ME3: variants seen among roughly 807,000 people sequenced by gnomAD.
ME3 encodes malic enzyme 3, also known as NADP-dependent malic enzyme, mitochondrial.
In ME3, 48 loss-of-function variants were observed where a neutral mutation model predicts 68.9. The ratio of observed to expected loss-of-function variants is 0.70; its 90% CI spans 0.55 to 0.89. ME3 has a LOEUF of 0.89. Among genes scored for constraint, ME3 ranks in the 40% least tolerant of loss-of-function variants. ME3 has a pLI of 0.00. For missense variants in ME3, 675 were observed against 797.4 expected, an observed-to-expected ratio of 0.85 and a Z score of 1.85; for synonymous variants, 320 against 318.8, an observed-to-expected ratio of 1.00 and a Z score of -0.04.
chr11:86,567,748 A>G (rs1957564850), intron 2 of ME3, among the ~76,000 whole-genome samples: 1 of 152,210 alleles, frequency 6.6e-6, no homozygotes, highest in African/African-American at 2.4e-5. Flanking sequence ...TATTAAGGCA[A>G]CCTCAGATTT....
At chr11:86,490,891 C>T (rs1951964865) in intron 6 of ME3, among the ~76,000 whole-genome samples, 2 of 151,994 alleles carry the variant, frequency 1.3e-5, no homozygotes. Flanking sequence ...GTTAAGTTCC[C>T]CAGTGGCACT....
rs115584812 is a variant in ME3 at position 86,471,934 on chromosome 11, G to A, written c.810-6734C>T. Among the ~76,000 whole-genome samples the A allele has an allele frequency of 6.1e-3, 928 of 152,330 alleles. 8 individuals are homozygous for A. The highest frequency in any genetic ancestry group is 0.021 in the African/African-American group (890 of 41,572). ...AATAAAAAAACAGTTGCAATACTCT[G>A]TGGCATCAGTAATAATAAAGATATG... On this transcript the variant is annotated intron_variant, in intron 7 of 14. Transcript: ENST00000543262.
chr11:86,465,424 G>A (rs1276138885), intron 7 of ME3, among the ~76,000 whole-genome samples: 3 of 152,136 alleles, frequency 2.0e-5, no homozygotes, highest in Admixed American at 2.0e-4. Context: ...TAGGACCCTG[G>A]CTTTGGTGGT....
intron 2 of ME3, among the ~76,000 whole-genome samples, chr11:86,569,577 T>C (rs1957677386): frequency 6.6e-6 from 1 of 151,598 alleles, no homozygotes; most frequent in South Asian, 2.1e-4. Flanking sequence ...GGTGGGGAGG[T>C]AGAGAGTTTG....
chr11:86,475,902 A>AGAGAGAGAG (rs1565830505), intron 7 of ME3, among the ~76,000 whole-genome samples: 24 of 93,336 alleles, frequency 2.6e-4, no homozygotes, highest in Middle Eastern at 5.6e-3. Flanking sequence ...GAGAGAGAGA[A>AGAGAGAGAG]AGAGAAAGAG....
intron 2 of ME3, among the ~76,000 whole-genome samples, chr11:86,643,129 C>A (rs557450757): frequency 6.6e-6 from 1 of 152,174 alleles, no homozygotes; most frequent in African/African-American, 2.4e-5. Flanking sequence ...ATTCGTCATA[C>A]AAGGTCCTCA....
At chr11:86,465,606 C>G (rs1950439517) in intron 7 of ME3, among the ~76,000 whole-genome samples, 1 of 152,130 alleles carries the variant, frequency 6.6e-6, no homozygotes, top group African/African-American at 2.4e-5. Flanking sequence ...GCAGACAGAC[C>G]AGCTTCCCCA....
intron 2 of ME3, among the ~76,000 whole-genome samples, chr11:86,618,052 G>T (rs78267949): frequency 6.6e-6 from 1 of 151,964 alleles, no homozygotes; most frequent in African/African-American, 2.4e-5. Flanking sequence ...TCATGCCATC[G>T]CTCTGGGAGG....
intron 2 of ME3, among the ~76,000 whole-genome samples, chr11:86,565,480 G>A (rs1448386258): frequency 6.6e-6 from 1 of 152,128 alleles, no homozygotes; most frequent in Non-Finnish European, 1.5e-5. Flanking sequence ...AATAACCCAG[G>A]TGTTCATCAA....
chr11:86,471,730 A>G (rs1403433587), intron 7 of ME3, among the ~76,000 whole-genome samples: 1 of 152,216 alleles, frequency 6.6e-6, no homozygotes, highest in African/African-American at 2.4e-5. Context: ...TCAAGAGGCT[A>G]AGGTGGGAAG....
chr11:86,543,524 C>G (rs1287491598), intron 4 of ME3, among the ~76,000 whole-genome samples: 1 of 152,136 alleles, frequency 6.6e-6, no homozygotes, highest in Admixed American at 6.5e-5. Context: ...ATAAAACAGA[C>G]TTTAAACCTA....
chr11:86,557,517 T>C (rs1211769252), intron 3 of ME3, among the ~76,000 whole-genome samples: 1 of 152,202 alleles, frequency 6.6e-6, no homozygotes, highest in Non-Finnish European at 1.5e-5. Context: ...TGTGGTCTGG[T>C]GAAATGATCT....
At chr11:86,625,929 G>T (rs1943636315) in intron 2 of ME3, among the ~76,000 whole-genome samples, 1 of 152,102 alleles carries the variant, frequency 6.6e-6, no homozygotes, top group African/African-American at 2.4e-5. Flanking sequence ...ACCTCCACAG[G>T]GTTTTTGTGG....
At chr11:86,645,346 A>G (rs1944931254) in intron 2 of ME3, among the ~76,000 whole-genome samples, 2 of 152,204 alleles carry the variant, frequency 1.3e-5, no homozygotes, top group Admixed American at 6.5e-5. Flanking sequence ...AGCAGTCTGA[A>G]GTCAACCTGG....
chr11:86,591,385 G>A (rs1959049413), intron 2 of ME3, among the ~76,000 whole-genome samples: 1 of 152,164 alleles, frequency 6.6e-6, no homozygotes, highest in African/African-American at 2.4e-5. Flanking sequence ...AAAAGGCAGT[G>A]GCATTAAAAT....
intron 2 of ME3, among the ~76,000 whole-genome samples, chr11:86,603,513 C>T (rs1216055139): frequency 1.3e-5 from 2 of 152,176 alleles, no homozygotes; most frequent in African/African-American, 2.4e-5. Flanking sequence ...TAAACTAGTT[C>T]AACCCCTGTG....
chr11:86,576,019 T>C (rs1958085972), intron 2 of ME3, among the ~76,000 whole-genome samples: 1 of 152,222 alleles, frequency 6.6e-6, no homozygotes, highest in Non-Finnish European at 1.5e-5. Context: ...CATTCAACTC[T>C]TGAACAGAAG....
intron 2 of ME3, among the ~76,000 whole-genome samples, chr11:86,586,784 G>C (rs1808436416): frequency 6.6e-6 from 1 of 152,138 alleles, no homozygotes; most frequent in South Asian, 2.1e-4. Context: ...ATACCTAGCT[G>C]TGTCCTGACT....
chr11:86,521,319 C>G (rs1000111015), intron 4 of ME3, among the ~76,000 whole-genome samples: 1 of 151,806 alleles, frequency 6.6e-6, no homozygotes, highest in African/African-American at 2.4e-5. Flanking sequence ...GGCGTGAACC[C>G]AGGAGGCGGA....
Sources: allele counts gnomAD v4.1 joint callset (sites outside exome capture counted in the v4.1 genomes callset), GRCh38; gene constraint gnomAD v4.1.1; transcripts MANE v1.5; gene names NCBI Gene and HGNC (gene_info 2026-07-23, HGNC 2026-07-21).